Variants in CACNG5 observed in about 807,000 individuals in gnomAD.
CACNG5 encodes voltage-dependent calcium channel gamma-5 subunit.
Under a neutral mutation model 24.8 loss-of-function variants are expected in CACNG5, and 18 were observed. That is an observed-to-expected ratio of 0.73 (90% CI 0.50 to 1.08). The LOEUF is 1.08. Among genes scored for constraint, CACNG5 ranks in the 50% least tolerant of loss-of-function variants. The probability of loss-of-function intolerance (pLI) is 0.00; values close to 1 mark genes in which losing one functional copy is unlikely to be tolerated. For missense variants in CACNG5, 349 were observed against 367.9 expected (o/e 0.95, Z 0.42); for synonymous variants, 157 against 149.1 (o/e 1.05, Z -0.39).
rs557487986 is a variant in CACNG5 at position 66,886,300 on chromosome 17, C to G, written c.*1060C>G. Among the ~76,000 whole-genome samples the G allele has an allele frequency of 9.2e-5, 14 of 152,306 alleles. No homozygotes were observed. The South Asian group carries it at 2.3e-3, about 25-fold the overall frequency. On this transcript the variant is annotated 3_prime_UTR_variant, in exon 6 of 6. Transcript: ENST00000533854. The stretch of plus-strand genomic sequence containing the variant: ...GCAGACTTGGAATAATCCAGCTGCT[C>G]TCCGAAGGCTGCCTGTGAACATTGG...
At chr17:66,839,705 G>C (rs1598042174) in intron 1 of CACNG5, among the ~76,000 whole-genome samples, 1 of 151,982 alleles carries the variant, frequency 6.6e-6, no homozygotes, top group South Asian at 2.1e-4. Flanking sequence ...GGCAGTGTGG[G>C]AGCAGCTGGG....
At chr17:66,835,314 T>C in intron 1 of CACNG5, 64 bp downstream of exon 1, 1 of 152,238 alleles carries the variant, frequency 6.6e-6, no homozygotes, top group Non-Finnish European at 1.5e-5. Flanking sequence ...TGGGGGACGG[T>C]CTCCCACCGG....
chr17:66,876,903 T>C (rs1299276067), intron 1 of CACNG5, among the ~76,000 whole-genome samples: 2 of 152,202 alleles, frequency 1.3e-5, no homozygotes, highest in Non-Finnish European at 2.9e-5. Context: ...TTTGTTCTTC[T>C]AGATGGGAAA....
Position 66,884,541 on chromosome 17 carries a change from G to A in CACNG5, c.450G>A (p.Val150=). 1 of 1,613,516 alleles carries A rather than the reference G, an allele frequency of 6.2e-7. No individual in the cohort carries two copies. The highest frequency in any genetic ancestry group is 8.5e-7 in the Non-Finnish European group (1 of 1,179,682). Residue 150 remains valine (V), a synonymous_variant, in exon 5 of 6, where the codon GTG becomes GTA. Transcript: ENST00000533854. ...GCCTCTCTCTCGTGGTGGGCCTGGT[G>A]CTCTACATCTCCAGCATCAACGATG... The part of the protein sequence containing the change: ...LSGLSLVVGL[V]LYISSINDEM...
chr17:66,859,842 C>G lies in CACNG5; in HGVS notation c.-103-17388C>G, dbSNP rs1296988459. Among the ~76,000 whole-genome samples, 3 of 151,996 alleles carry G rather than the reference C, an allele frequency of 2.0e-5. No homozygotes were observed. The East Asian group carries it at 5.8e-4, about 29-fold the overall frequency. On this transcript the variant is annotated intron_variant, in intron 1 of 5. Coordinates refer to ENST00000533854, the MANE Select transcript of CACNG5 (RefSeq NM_145811.3). ...CCTCTCCCTCCTCCTTCTCCTCCCCCTTCCCCTCTTCTCTCCCTCTCCACC... is the reference window on the plus strand; with the variant it reads ...CCTCTCCCTCCTCCTTCTCCTCCCCGTTCCCCTCTTCTCTCCCTCTCCACC...
intron 1 of CACNG5, among the ~76,000 whole-genome samples, chr17:66,846,706 A>AT (rs1976641996): frequency 6.6e-6 from 1 of 152,222 alleles, no homozygotes; most frequent in Admixed American, 6.5e-5. Context: ...CTTTGGACTT[A>AT]TGAATAATGC....
intron 4 of CACNG5, among the ~76,000 whole-genome samples, chr17:66,884,199 T>C (rs575628466): frequency 1.6e-4 from 24 of 150,532 alleles, no homozygotes; most frequent in African/African-American, 5.9e-4. Context: ...GCCAGGTGTA[T>C]CAGAATGTCC....
intron 2 of CACNG5, among the ~76,000 whole-genome samples, chr17:66,878,213 C>G (rs1025341951): frequency 2.0e-5 from 3 of 152,254 alleles, no homozygotes; most frequent in African/African-American, 7.2e-5. Context: ...CCAAGACCAG[C>G]CTGCACAAGA....
rs201075450 is a variant in CACNG5, at chr17:66,880,565, C to G, written c.292C>G (p.Arg98Gly). 2 of 1,614,202 alleles carry G rather than the reference C, an allele frequency of 1.2e-6. No individual in the cohort carries two copies. The highest frequency in any genetic ancestry group is 1.7e-6 in the Non-Finnish European group (2 of 1,180,026). Residue 98 changes from arginine to glycine, a missense_variant, in exon 4 of 6, where the codon CGC becomes GGC. Arg to Gly is a moderately radical substitution (Grantham distance 125). Transcript: ENST00000533854. ...ESTVNVLKMI[R>G]SATPFPLVSL... ...TTTGTCCCGTTAATTAGAGATGATC[C>G]GCTCAGCCACACCATTCCCTCTGGT... is the stretch of plus-strand genomic sequence containing the variant.
chr17:66,837,135 T>A (rs1008551777), intron 1 of CACNG5, among the ~76,000 whole-genome samples: 10 of 152,342 alleles, frequency 6.6e-5, no homozygotes, highest in African/African-American at 1.9e-4. Flanking sequence ...AATGACAGTG[T>A]CCATTTTACT....
rs1439326510 is a variant in CACNG5, at chr17:66,894,698, T to C, written c.*9458T>C. Among the ~76,000 whole-genome samples, 1 of 152,206 alleles carries C rather than the reference T, an allele frequency of 6.6e-6. No individual in the cohort carries two copies. Among genetic ancestry groups the C allele is most frequent in the Non-Finnish European group, 1.5e-5 (1 of 68,036 alleles). ...TTTGTTTCTATGTGCTCCTTAAATG[T>C]ATATTGTTTTCTGGCATGTGTATTT... On this transcript the variant is annotated 3_prime_UTR_variant, in exon 6 of 6. Coordinates refer to ENST00000533854, the MANE Select transcript of CACNG5 (RefSeq NM_145811.3).
chr17:66,869,967 C>T (rs562931497), intron 1 of CACNG5, among the ~76,000 whole-genome samples: 94 of 152,014 alleles, frequency 6.2e-4, no homozygotes, highest in Admixed American at 2.2e-3. Context: ...CCTGTAATCC[C>T]GGCTACTTGG....
chr17:66,836,546 C>G (rs75444740), intron 1 of CACNG5, among the ~76,000 whole-genome samples: 1 of 152,186 alleles, frequency 6.6e-6, no homozygotes, highest in Non-Finnish European at 1.5e-5. Context: ...CCCCTCATGC[C>G]GAAGTCTCCT....
intron 1 of CACNG5, among the ~76,000 whole-genome samples, chr17:66,850,366 C>T (rs1389401212): frequency 1.3e-5 from 2 of 152,106 alleles, no homozygotes; most frequent in African/African-American, 4.8e-5. Flanking sequence ...GTATATGGGA[C>T]ACAGTTAAAT....
rs538293073 is a variant in CACNG5, at chr17:66,890,198, G to A, written c.*4958G>A. On this transcript the variant is annotated 3_prime_UTR_variant, in exon 6 of 6. Transcript: ENST00000533854. ...TCTAATGCACCTGTGCCTGAGGCCC[G>A]GCTAGCACTGTGAGTGTGGGTTCAT... Among the ~76,000 whole-genome samples, 59 of 152,306 alleles carry A rather than the reference G, an allele frequency of 3.9e-4. No homozygotes were observed. Among genetic ancestry groups the A allele is most frequent in the African/African-American group, 1.4e-3 (57 of 41,562 alleles).
intron 2 of CACNG5, 75 bp downstream of exon 2, chr17:66,877,603 G>A (rs949745719): frequency 7.8e-7 from 1 of 1,277,394 alleles, no homozygotes; most frequent in African/African-American, 1.5e-5. Flanking sequence ...CCTGGGAAGA[G>A]ATGGCCAAGA....
chr17:66,873,932 A>AG (rs2143104016), intron 1 of CACNG5, among the ~76,000 whole-genome samples: 1 of 82,122 alleles, frequency 1.2e-5, no homozygotes, highest in South Asian at 5.5e-4. Flanking sequence ...GCTTCTCACA[A>AG]GCTGTTTTTT....
intron 1 of CACNG5, among the ~76,000 whole-genome samples, chr17:66,844,194 G>C (rs1172685247): frequency 6.6e-6 from 1 of 152,196 alleles, no homozygotes; most frequent in Non-Finnish European, 1.5e-5. Flanking sequence ...ATCCTTATGA[G>C]GTACACCTTA....
At chr17:66,854,201 G>A (rs1283626473) in intron 1 of CACNG5, among the ~76,000 whole-genome samples, 2 of 152,138 alleles carry the variant, frequency 1.3e-5, no homozygotes, top group African/African-American at 2.4e-5. Flanking sequence ...AGGCCGAGGC[G>A]GGTGGATCAC....
Sources: gnomAD v4.1 joint callset for allele counts (sites outside exome capture counted in the v4.1 genomes callset) on GRCh38, gnomAD v4.1.1 for gene constraint, MANE v1.5 for transcripts, NCBI Gene and HGNC (gene_info 2026-07-23, HGNC 2026-07-21) for gene names.